KCNN3: variants seen among roughly 807,000 people sequenced by gnomAD.
KCNN3 encodes the protein small conductance calcium-activated potassium channel protein 3.
KCNN3 carries 16 observed loss-of-function variants against 62.9 expected under a neutral mutation model. The ratio of observed to expected loss-of-function variants is 0.25; its 90% CI spans 0.17 to 0.39. The LOEUF (loss-of-function observed/expected upper bound fraction) is 0.39, where lower values mean the gene tolerates loss of function less well. KCNN3 is among the 10% of genes least tolerant of loss of function. The pLI, the probability that KCNN3 is intolerant of heterozygous loss-of-function variation, is 1.00. For synonymous variants in KCNN3, 370 were observed against 389.2 expected (o/e 0.95, Z 0.58); for missense variants, 599 against 949.4 (o/e 0.63, Z 4.85).
intron 7 of KCNN3, among the ~76,000 whole-genome samples, chr1:154,711,859 C>A (rs1248076432): frequency 6.6e-6 from 1 of 152,070 alleles, no homozygotes; most frequent in Admixed American, 6.6e-5. Context: ...CTGTTACAGT[C>A]TGTCGCGGGG....
At chr1:154,840,076 A>G (rs1651764049) in intron 1 of KCNN3, among the ~76,000 whole-genome samples, 1 of 152,100 alleles carries the variant, frequency 6.6e-6, no homozygotes, top group Non-Finnish European at 1.5e-5. Context: ...GTCTCTTGCA[A>G]TTTATCTAGT....
intron 2 of KCNN3, among the ~76,000 whole-genome samples, chr1:154,814,059 G>A (rs1053852460): frequency 1.3e-5 from 2 of 152,218 alleles, no homozygotes; most frequent in Non-Finnish European, 2.9e-5. Flanking sequence ...ATCGAGGTGG[G>A]CCTCCCAGAG....
intron 3 of KCNN3, among the ~76,000 whole-genome samples, chr1:154,766,416 TTATATATATATA>T (rs373253800): frequency 5.6e-5 from 4 of 71,812 alleles, no homozygotes; most frequent in South Asian, 5.8e-4. Flanking sequence ...TAGCCAGGCT[TTATATATATATA>T]TATATATATA....
chr1:154,806,881 G>C (rs887739251), intron 2 of KCNN3, among the ~76,000 whole-genome samples: 3 of 152,170 alleles, frequency 2.0e-5, no homozygotes, highest in African/African-American at 7.2e-5. Context: ...GGTGAGGAAG[G>C]AAGCAGCCAT....
intron 1 of KCNN3, chr1:154,868,255 AAC>A (rs1653028644): frequency 1.0e-6 from 1 of 985,580 alleles, no homozygotes; most frequent in African/African-American, 1.7e-5. Context: ...CTGCCCAGGT[AAC>A]ACCTGTAGCC....
At position 154,698,344 on chromosome 1, in the gene KCNN3, A is replaced by C. The variant is rs569180474; in HGVS notation, c.*9632T>G. 2.0e-5 allele frequency: 3 copies of C among 149,134 alleles called. No homozygotes were observed. Among genetic ancestry groups the C allele is most frequent in the Non-Finnish European group, 3.0e-5 (2 of 66,058 alleles). 9.2% of individuals were successfully genotyped at this position (149,134 alleles called of 1,614,324 possible). On this transcript the variant is annotated 3_prime_UTR_variant, in exon 8 of 8. Coordinates refer to ENST00000271915, the MANE Select transcript of KCNN3 (RefSeq NM_002249.6). ...TTCCACAAATGTGCCTGCAGCTGTG[A>C]GGACAGCTGGAGAGATCTGTTGTCT...
chr1:154,771,940 C>T, intron 3 of KCNN3, 35 bp downstream of exon 3: 1 of 1,609,692 alleles, frequency 6.2e-7, no homozygotes, highest in Non-Finnish European at 8.5e-7. Context: ...TGTCCCAGCA[C>T]AGGCTCTGTA....
chr1:154,785,605 A>G (rs568500416), intron 2 of KCNN3, among the ~76,000 whole-genome samples: 6 of 137,038 alleles, frequency 4.4e-5, no homozygotes, highest in Admixed American at 3.7e-4. Flanking sequence ...TTTTTGAGAC[A>G]AGAGTCTCAC....
At chr1:154,794,662 G>A (rs1280884455) in intron 2 of KCNN3, among the ~76,000 whole-genome samples, 1 of 152,148 alleles carries the variant, frequency 6.6e-6, no homozygotes, top group African/African-American at 2.4e-5. Context: ...TTGGTCCATG[G>A]ATCAACCATG....
chr1:154,869,546 G>C lies in KCNN3; in HGVS notation c.419C>G (p.Ser140Cys), dbSNP rs1393475084. The C allele has an allele frequency of 1.2e-6, 2 of 1,614,040 alleles. No homozygotes were observed. The highest frequency in any genetic ancestry group is 1.7e-5 in the Admixed American group (1 of 60,010). ...LNLNDHLLGH[S>C]PSSTATSGPG... ...CCCACTTGTAGCTGTGGAACTTGGA[G>C]AGTGGCCAAGCAAGTGGTCATTGAG... Residue 140 changes from serine (S) to cysteine (C), a missense_variant, in exon 1 of 8, where the codon TCT (serine) becomes TGT (cysteine). Around this residue, in one of 7 missense-constraint regions of KCNN3, gnomAD observed 112 missense variants for 142.9 expected, o/e 0.78. Coordinates refer to ENST00000271915, the MANE Select transcript of KCNN3 (RefSeq NM_002249.6). The surrounding 1 kb of genome is among the most constrained non-coding windows in gnomAD (Gnocchi z 6.1).
chr1:154,839,822 C>T lies in KCNN3; in HGVS notation c.934-17638G>A, dbSNP rs866292507. 6.6e-5 allele frequency among the ~76,000 whole-genome samples: 10 copies of T among 152,232 alleles called. No homozygotes were observed. The South Asian group carries it at 1.5e-3, about 22-fold the overall frequency. On this transcript the variant is annotated intron_variant, in intron 1 of 7. Transcript: ENST00000271915. ...GATGGAGCGCAGAGACAAACACAGACGGGACAAGGTGCCAGGAGCCACATA... is the reference window on the plus strand; with the variant it reads ...GATGGAGCGCAGAGACAAACACAGATGGGACAAGGTGCCAGGAGCCACATA...
intron 3 of KCNN3, among the ~76,000 whole-genome samples, chr1:154,735,262 G>A (rs992180904): frequency 1.7e-4 from 26 of 152,280 alleles, no homozygotes; most frequent in African/African-American, 5.5e-4. Context: ...ACCGGAGCCC[G>A]GCCCTAGCAG....
At chr1:154,842,575 T>C (rs6658392) in intron 1 of KCNN3, among the ~76,000 whole-genome samples, 47,292 of 151,068 alleles carry the variant, frequency 0.31, 7,838 homozygotes, top group African/African-American at 0.37. Context: ...CTCCACTGGC[T>C]GCTTCCCTAA....
chr1:154,846,753 T>C (rs1375149857), intron 1 of KCNN3, among the ~76,000 whole-genome samples: 2 of 152,320 alleles, frequency 1.3e-5, no homozygotes, highest in South Asian at 2.1e-4. Flanking sequence ...CTTCTCGCTG[T>C]ACTCCACAGT....
At chr1:154,776,888 G>C (rs1315470757) in intron 2 of KCNN3, among the ~76,000 whole-genome samples, 1 of 152,176 alleles carries the variant, frequency 6.6e-6, no homozygotes. Context: ...CCTGGCACGG[G>C]TGTTCTTCTT....
rs1317252022 is a variant in KCNN3, at chr1:154,870,270, C to T, written c.-306G>A. 1 of 550,910 alleles carries T rather than the reference C, an allele frequency of 1.8e-6. No individual in the cohort carries two copies. Among genetic ancestry groups the T allele is most frequent in the Non-Finnish European group, 3.4e-6 (1 of 294,266 alleles). 34.1% of individuals were successfully genotyped at this position (550,910 alleles called of 1,614,324 possible). A position where few individuals can be genotyped will look rare whatever the true frequency, so the allele number is the denominator to read the frequency against. On this transcript the variant is annotated 5_prime_UTR_variant, in exon 1 of 8. Transcript: ENST00000271915. ...TGAGGCCAGGCTCAGCTTCACTCCT[C>T]GCTGGCTCAATAGCTTCGCTCGCCT... is the stretch of plus-strand genomic sequence containing the variant.
At chr1:154,773,232 ATGGAG>A (rs1648646995) in intron 2 of KCNN3, among the ~76,000 whole-genome samples, 1 of 152,086 alleles carries the variant, frequency 6.6e-6, no homozygotes, top group Admixed American at 6.5e-5. Context: ...AGCTGCACAC[ATGGAG>A]GTCCCTGGAC....
At chr1:154,743,498 C>T (rs1376508263) in intron 3 of KCNN3, among the ~76,000 whole-genome samples, 1 of 152,212 alleles carries the variant, frequency 6.6e-6, no homozygotes, top group Non-Finnish European at 1.5e-5. Context: ...GCTCCTTCAC[C>T]CAGCCAGCTT....
intron 4 of KCNN3, among the ~76,000 whole-genome samples, chr1:154,730,369 T>C (rs866930173): frequency 6.6e-6 from 1 of 152,338 alleles, no homozygotes; most frequent in Middle Eastern, 3.4e-3. Flanking sequence ...AAATCCTTCC[T>C]TTCCCTTCCC....
Sources: allele counts gnomAD v4.1 joint callset (sites outside exome capture counted in the v4.1 genomes callset), GRCh38; gene constraint gnomAD v4.1.1; regional missense constraint gnomAD v4.1.1; non-coding constraint Gnocchi (gnomAD v3.1); transcripts MANE v1.5; gene names NCBI Gene and HGNC (gene_info 2026-07-23, HGNC 2026-07-21).